Variants in ELAPOR2 observed in about 807,000 individuals in gnomAD.
ELAPOR2 encodes the protein endosome-lysosome associated apoptosis and autophagy regulator family member 2, also known as endosome/lysosome-associated apoptosis and autophagy regulator family member 2.
In ELAPOR2, 89 loss-of-function variants were observed where a neutral mutation model predicts 120.7. That is an observed-to-expected ratio of 0.74 (90% CI 0.62 to 0.88). The LOEUF (loss-of-function observed/expected upper bound fraction) is 0.88. ELAPOR2 is among the 40% of genes least tolerant of loss of function. The pLI is 0.00. For synonymous variants in ELAPOR2, 444 were observed against 444.9 expected, an observed-to-expected ratio of 1.00 and a Z score of 0.03; for missense variants, 1,134 against 1,251.6, an observed-to-expected ratio of 0.91 and a Z score of 1.42.
chr7:86,939,345 A>C (rs1790704828), intron 6 of ELAPOR2, among the ~76,000 whole-genome samples: 1 of 152,110 alleles, frequency 6.6e-6, no homozygotes, highest in African/African-American at 2.4e-5. Context: ...GGTAAGACCT[A>C]GGAATGGCTT....
In ELAPOR2 at chr7:86,893,330, T is replaced by C. The variant is rs766122519; in HGVS notation, c.2686-230A>G. Reference sequence around the variant, plus strand: ...GAATAAGGAATTAATGAATGAAAAATGTAAAAACCAAATAAAGACATGGAT... The same window carrying C: ...GAATAAGGAATTAATGAATGAAAAACGTAAAAACCAAATAAAGACATGGAT... On this transcript the variant is annotated intron_variant, in intron 19 of 21. Transcript: ENST00000450689. Among the ~76,000 whole-genome samples, 39 of 151,800 alleles carry C rather than the reference T, an allele frequency of 2.6e-4. 1 individual carries two copies. The highest frequency in any genetic ancestry group is 2.6e-3 in the Admixed American group (39 of 15,232).
intron 10 of ELAPOR2, among the ~76,000 whole-genome samples, chr7:86,924,421 T>C (rs993917917): frequency 3.4e-4 from 51 of 148,356 alleles, no homozygotes; most frequent in African/African-American, 1.2e-3. Context: ...GTATTAGTCC[T>C]TTTATAGAGT....
At position 86,909,906 on chromosome 7, in the gene ELAPOR2, T is replaced by G. The variant is rs1167891747; in HGVS notation, c.2265A>C (p.Ala755=). The part of the protein sequence containing the change: ...GSDDYTNLVG[A]FVCQSTIIPS... ...GAATAATTGTTGACTGGCATACAAA[T>G]GCCCCTACCAAATTTGTGTAATCAT... Residue 755 remains alanine (A), a synonymous_variant, in exon 16 of 22, where the codon GCA becomes GCC. Coordinates refer to ENST00000450689, the MANE Select transcript of ELAPOR2 (RefSeq NM_001142749.3). 1 of 1,613,522 alleles carries G rather than the reference T, an allele frequency of 6.2e-7. No individual in the cohort carries two copies. Among genetic ancestry groups the G allele is most frequent in the East Asian group, 2.2e-5 (1 of 44,838 alleles).
intron 7 of ELAPOR2, among the ~76,000 whole-genome samples, chr7:86,938,604 A>G (rs1790668463): frequency 6.6e-6 from 1 of 152,212 alleles, no homozygotes; most frequent in South Asian, 2.1e-4. Context: ...GTGGAATAGA[A>G]AAACAAATCA....
intron 1 of ELAPOR2, among the ~76,000 whole-genome samples, chr7:87,043,747 A>G (rs998668102): frequency 1.6e-4 from 24 of 151,642 alleles, no homozygotes; most frequent in Non-Finnish European, 2.5e-4. Flanking sequence ...ATAGTGCTGG[A>G]AGTTCTGGCC....
At chr7:87,034,388 C>A (rs1794515795) in intron 1 of ELAPOR2, among the ~76,000 whole-genome samples, 1 of 151,644 alleles carries the variant, frequency 6.6e-6, no homozygotes, top group Non-Finnish European at 1.5e-5. Context: ...TTAAAAGTGG[C>A]ATGCTTATTT....
intron 8 of ELAPOR2, among the ~76,000 whole-genome samples, chr7:86,932,090 T>C (rs1790354547): frequency 6.6e-6 from 1 of 151,874 alleles, no homozygotes; most frequent in Admixed American, 6.6e-5. Flanking sequence ...GGGCTCATGA[T>C]TCAAGCAAGG....
At chr7:86,984,679 TA>T (rs1436221696) in intron 1 of ELAPOR2, among the ~76,000 whole-genome samples, 18 of 152,196 alleles carry the variant, frequency 1.2e-4, no homozygotes, top group Admixed American at 1.2e-3. Context: ...GGGACACATT[TA>T]AAGCAGTGCG....
chr7:86,912,764 G>C (rs1354213069), intron 14 of ELAPOR2, among the ~76,000 whole-genome samples, 177 bp downstream of exon 14: 1 of 152,270 alleles, frequency 6.6e-6, no homozygotes, highest in African/African-American at 2.4e-5. Context: ...TACTTTCATA[G>C]CATACAGTAA....
chr7:86,897,684 T>G, intron 18 of ELAPOR2, 52 bp from the exon 19 acceptor site: 2 of 1,604,168 alleles, frequency 1.2e-6, no homozygotes, highest in Non-Finnish European at 1.7e-6. Flanking sequence ...TTTTAACCCA[T>G]TCAATCCACT....
intron 1 of ELAPOR2, among the ~76,000 whole-genome samples, chr7:87,023,400 C>T (rs554781041): frequency 4.5e-4 from 69 of 152,216 alleles, no homozygotes; most frequent in Admixed American, 1.2e-3. Context: ...TTTCTGAGGG[C>T]TCTGTTCTGT....
At chr7:87,018,621 A>G (rs1793941684) in intron 1 of ELAPOR2, among the ~76,000 whole-genome samples, 1 of 152,254 alleles carries the variant, frequency 6.6e-6, no homozygotes, top group African/African-American at 2.4e-5. Context: ...TGAGGATCTT[A>G]GTGCCCGAAA....
At position 86,941,956 on chromosome 7, in the gene ELAPOR2, G is replaced by C; in HGVS notation, c.741+62C>G. ...AAGGGGAAGTTGGGAAAGAAGAAAA[G>C]GTTGGGGAAAAAAAGAAGAAGGAAA... is the stretch of plus-strand genomic sequence containing the variant. On this transcript the variant is annotated intron_variant, in intron 5 of 21. Transcript: ENST00000450689. The C allele has an allele frequency of 2.3e-5, 22 of 949,854 alleles. No individual in the cohort carries two copies. The South Asian group carries it at 2.9e-4, about 13-fold the overall frequency. 58.8% of individuals were successfully genotyped at this position (949,854 alleles called of 1,614,324 possible).
At chr7:87,030,370 A>C (rs766398032) in intron 1 of ELAPOR2, among the ~76,000 whole-genome samples, 21 of 151,944 alleles carry the variant, frequency 1.4e-4, no homozygotes, top group Admixed American at 4.6e-4. Flanking sequence ...ATTAGTCTAA[A>C]AGAATGCTTA....
intron 1 of ELAPOR2, among the ~76,000 whole-genome samples, chr7:87,007,618 C>T (rs891938335): frequency 6.6e-6 from 1 of 152,086 alleles, no homozygotes; most frequent in African/African-American, 2.4e-5. Flanking sequence ...TTCTAAATAT[C>T]ATCTTTGGTT....
At chr7:86,885,612 T>C (rs557431741) in intron 21 of ELAPOR2, among the ~76,000 whole-genome samples, 7 of 152,264 alleles carry the variant, frequency 4.6e-5, no homozygotes, top group African/African-American at 1.7e-4. Flanking sequence ...CCCATCTGAA[T>C]CTGCTAGGAA....
intron 1 of ELAPOR2, among the ~76,000 whole-genome samples, chr7:87,017,500 G>A (rs1455988691): frequency 6.6e-6 from 1 of 152,110 alleles, no homozygotes; most frequent in African/African-American, 2.4e-5. Flanking sequence ...CATATGAAAG[G>A]GGAATGAATA....
intron 12 of ELAPOR2, among the ~76,000 whole-genome samples, chr7:86,916,431 GT>G (rs1004739025): frequency 6.6e-6 from 1 of 152,144 alleles, no homozygotes; most frequent in African/African-American, 2.4e-5. Flanking sequence ...AGTACAGAGT[GT>G]TCCACTAATA....
At chr7:86,988,743 C>T (rs1376919418) in intron 1 of ELAPOR2, among the ~76,000 whole-genome samples, 2 of 152,124 alleles carry the variant, frequency 1.3e-5, no homozygotes, top group East Asian at 1.9e-4. Flanking sequence ...GTGTGCCTGA[C>T]CCCCTCCCCT....
Sources: allele counts gnomAD v4.1 joint callset (sites outside exome capture counted in the v4.1 genomes callset), GRCh38; gene constraint gnomAD v4.1.1; transcripts MANE v1.5; gene names NCBI Gene and HGNC (gene_info 2026-07-23, HGNC 2026-07-21).